Variants in LRMDA observed in about 807,000 individuals in gnomAD.
LRMDA encodes the protein leucine-rich melanocyte differentiation-associated protein.
A neutral mutation model predicts 29.8 loss-of-function variants in LRMDA; 18 were observed. The ratio of observed to expected loss-of-function variants is 0.60; its 90% CI spans 0.42 to 0.90. LRMDA has a LOEUF of 0.90. Among genes scored for constraint, LRMDA ranks in the 40% least tolerant of loss-of-function variants. The pLI, the probability that LRMDA is intolerant of heterozygous loss-of-function variation, is 0.00. For missense variants in LRMDA, 273 were observed against 273.9 expected (o/e 1.00, Z 0.02); for synonymous variants, 125 against 109.4 (o/e 1.14, Z -0.89).
intron 2 of LRMDA, among the ~76,000 whole-genome samples, chr10:75,511,609 C>G (rs1368714522): frequency 6.6e-6 from 1 of 152,200 alleles, no homozygotes; most frequent in Non-Finnish European, 1.5e-5. Context: ...CCCAAGATGA[C>G]AGATGTTACC....
chr10:76,200,430 T>C (rs973812657), intron 5 of LRMDA, among the ~76,000 whole-genome samples: 9 of 152,200 alleles, frequency 5.9e-5, no homozygotes, highest in African/African-American at 1.7e-4. Flanking sequence ...GTTTATAATA[T>C]GGTTCACAAA....
chr10:76,185,819 C>A (rs1851138693), intron 5 of LRMDA, among the ~76,000 whole-genome samples: 1 of 152,104 alleles, frequency 6.6e-6, no homozygotes, highest in African/African-American at 2.4e-5. Flanking sequence ...AAGAATTCAA[C>A]AATAAAGTAT....
At chr10:75,774,437 C>A (rs987298607) in intron 2 of LRMDA, among the ~76,000 whole-genome samples, 1 of 151,984 alleles carries the variant, frequency 6.6e-6, no homozygotes, top group East Asian at 1.9e-4. Context: ...CAGTTAAATT[C>A]AAAAATAATT....
intron 5 of LRMDA, among the ~76,000 whole-genome samples, chr10:76,274,951 G>A (rs1360597042): frequency 6.6e-6 from 1 of 152,016 alleles, no homozygotes; most frequent in African/African-American, 2.4e-5. Context: ...TAGTTGTTTA[G>A]TGTTGGCTCC....
intron 5 of LRMDA, among the ~76,000 whole-genome samples, chr10:76,074,160 T>C (rs2132072152): frequency 6.6e-6 from 1 of 152,352 alleles, no homozygotes; most frequent in Admixed American, 6.5e-5. Context: ...TGTTTAAAGA[T>C]TGTATGCAAC....
intron 2 of LRMDA, among the ~76,000 whole-genome samples, chr10:75,504,194 A>G (rs866616926): frequency 6.6e-6 from 1 of 151,994 alleles, no homozygotes; most frequent in African/African-American, 2.4e-5. Flanking sequence ...GAGTTTCACC[A>G]TGTTGCCTAG....
intron 6 of LRMDA, among the ~76,000 whole-genome samples, chr10:76,544,710 G>GCACACA (rs71028204): frequency 3.0e-4 from 43 of 145,410 alleles, no homozygotes; most frequent in Non-Finnish European, 3.3e-4. Flanking sequence ...ATATATACAT[G>GCACACA]CACACACACA....
intron 6 of LRMDA, among the ~76,000 whole-genome samples, chr10:76,419,272 C>T (rs533490010): frequency 5.9e-5 from 9 of 152,002 alleles, no homozygotes; most frequent in Non-Finnish European, 1.2e-4. Flanking sequence ...CCCTGGTAAC[C>T]ACTGATCTTT....
intron 2 of LRMDA, among the ~76,000 whole-genome samples, chr10:75,897,231 C>A (rs1845598906): frequency 6.6e-6 from 1 of 152,312 alleles, no homozygotes; most frequent in Middle Eastern, 3.4e-3. Context: ...CAATGAGTAG[C>A]AGAATTTTCT....
intron 6 of LRMDA, among the ~76,000 whole-genome samples, chr10:76,458,514 C>G (rs1207182565): frequency 6.6e-6 from 1 of 152,188 alleles, no homozygotes; most frequent in Non-Finnish European, 1.5e-5. Flanking sequence ...ACCAATATGA[C>G]ATTTTTATTT....
intron 6 of LRMDA, among the ~76,000 whole-genome samples, chr10:76,363,211 A>AGGGAGGGAGGGG (rs1564520715): frequency 2.0e-4 from 2 of 10,052 alleles, no homozygotes; most frequent in African/African-American, 5.9e-4. Context: ...GGAGGGAGGG[A>AGGGAGGGAGGGG]AGGAAGAGAA....
rs150410175 is a variant in LRMDA, at chr10:75,937,166, C to T, written c.132-98842C>T. 2.2e-4 allele frequency among the ~76,000 whole-genome samples: 33 copies of T among 152,214 alleles called. 1 individual carries two copies. In the Middle Eastern group the frequency reaches 0.02, roughly 94 times the overall value. On this transcript the variant is annotated intron_variant, in intron 2 of 6. Transcript: ENST00000611255. ...GTGGGAATTCTTCAGCTTCAGACAA[C>T]GTTTGAACTATGACTACATTTTTGC...
At chr10:76,509,081 T>C (rs1355377130) in intron 6 of LRMDA, among the ~76,000 whole-genome samples, 5 of 152,156 alleles carry the variant, frequency 3.3e-5, no homozygotes, top group African/African-American at 4.8e-5. Context: ...ATTTGTTCCA[T>C]AGTGGATACT....
chr10:75,812,774 C>A (rs1216329367), intron 2 of LRMDA, among the ~76,000 whole-genome samples: 1 of 152,188 alleles, frequency 6.6e-6, no homozygotes, highest in Non-Finnish European at 1.5e-5. Context: ...GAGCATAAGA[C>A]TTTGAAATTC....
intron 2 of LRMDA, among the ~76,000 whole-genome samples, chr10:75,632,052 G>A (rs1040244687): frequency 5.3e-5 from 8 of 152,130 alleles, no homozygotes; most frequent in Non-Finnish European, 1.0e-4. Flanking sequence ...CCAGACGTTG[G>A]CTGTGCTTCT....
intron 2 of LRMDA, among the ~76,000 whole-genome samples, chr10:75,737,400 C>G (rs1842779106): frequency 6.6e-6 from 1 of 152,228 alleles, no homozygotes; most frequent in Non-Finnish European, 1.5e-5. Context: ...AACGTTGGGC[C>G]ATCCCAAGAA....
In LRMDA at chr10:76,017,694, A is replaced by G. The variant is rs576698702; in HGVS notation, c.132-18314A>G. On this transcript the variant is annotated intron_variant, in intron 2 of 6. Coordinates refer to ENST00000611255, the MANE Select transcript of LRMDA (RefSeq NM_001305581.2). ...TTCCCATGGAGAAAGTAGCCCATCAACGGTGATGAAAATGACTTCCTACAC... is the reference window on the plus strand; with the variant it reads ...TTCCCATGGAGAAAGTAGCCCATCAGCGGTGATGAAAATGACTTCCTACAC... Among the ~76,000 whole-genome samples the G allele has an allele frequency of 1.8e-4, 27 of 152,260 alleles. No homozygotes were observed. In the South Asian group the frequency reaches 5.6e-3, roughly 32 times the overall value.
intron 5 of LRMDA, among the ~76,000 whole-genome samples, chr10:76,261,742 A>G (rs535200847): frequency 6.6e-6 from 1 of 152,350 alleles, no homozygotes; most frequent in Admixed American, 6.5e-5. Flanking sequence ...TGAAAGTCAC[A>G]TGTGCAAACA....
At chr10:75,595,837 C>T (rs183684414) in intron 2 of LRMDA, among the ~76,000 whole-genome samples, 1 of 150,370 alleles carries the variant, frequency 6.7e-6, no homozygotes, top group South Asian at 2.1e-4. Flanking sequence ...ACATTGATCT[C>T]TGATCTGTAT....
Sources: allele counts gnomAD v4.1 joint callset (sites outside exome capture counted in the v4.1 genomes callset), GRCh38; gene constraint gnomAD v4.1.1; transcripts MANE v1.5; gene names NCBI Gene and HGNC (gene_info 2026-07-23, HGNC 2026-07-21).